Variants in KSR2 observed in about 807,000 individuals in gnomAD.
KSR2 encodes the protein kinase suppressor of ras 2.
Under a neutral mutation model 107.8 loss-of-function variants are expected in KSR2, and 25 were observed. The ratio of observed to expected loss-of-function variants is 0.23; its 90% confidence interval spans 0.17 to 0.32. The LOEUF (loss-of-function observed/expected upper bound fraction) is 0.32, where lower values mean the gene tolerates loss of function less well. KSR2 is among the 10% of genes least tolerant of loss of function. KSR2 has a pLI of 1.00. For missense variants in KSR2, 887 were observed against 1,268.9 expected, an observed-to-expected ratio of 0.70 and a Z score of 4.57; for synonymous variants, 480 against 507.0, an observed-to-expected ratio of 0.95 and a Z score of 0.71.
intron 3 of KSR2, among the ~76,000 whole-genome samples, chr12:117,777,120 CAT>C (rs1051393758): frequency 1.9e-5 from 2 of 104,784 alleles, no homozygotes; most frequent in East Asian, 2.6e-4. Context: ...ACACACACAC[CAT>C]ATATATATAC....
intron 3 of KSR2, among the ~76,000 whole-genome samples, chr12:117,822,275 TTAA>T (rs1477787006): frequency 6.6e-6 from 1 of 152,212 alleles, no homozygotes. Flanking sequence ...CTCTACTTTC[TTAA>T]TAAACTTCCT....
At chr12:117,927,457 C>T (rs1037950264) in intron 1 of KSR2, among the ~76,000 whole-genome samples, 5 of 151,536 alleles carry the variant, frequency 3.3e-5, no homozygotes, top group African/African-American at 7.3e-5. Flanking sequence ...TTTGGGAGGC[C>T]GAGGCAGGTG....
intron 5 of KSR2, among the ~76,000 whole-genome samples, chr12:117,660,437 G>T (rs1373789961): frequency 1.3e-5 from 2 of 152,136 alleles, no homozygotes; most frequent in Non-Finnish European, 2.9e-5. Context: ...TTGGCTTGTA[G>T]ACTCATCAGT....
At chr12:117,750,074 C>G (rs545219768) in intron 4 of KSR2, among the ~76,000 whole-genome samples, 4 of 151,810 alleles carry the variant, frequency 2.6e-5, no homozygotes, top group Admixed American at 2.0e-4. Flanking sequence ...ATGGTGAAAC[C>G]CCGTCTCTAC....
chr12:117,660,532 T>C (rs1884391959), intron 5 of KSR2, among the ~76,000 whole-genome samples: 1 of 152,176 alleles, frequency 6.6e-6, no homozygotes, highest in South Asian at 2.1e-4. Context: ...CCAGTCATAC[T>C]GGACTAGGGC....
intron 4 of KSR2, among the ~76,000 whole-genome samples, chr12:117,756,656 G>A (rs1888801955): frequency 6.6e-6 from 1 of 152,192 alleles, no homozygotes; most frequent in South Asian, 2.1e-4. Context: ...ATGGATTAAG[G>A]AGTAATTTTA....
chr12:117,659,041 T>A (rs1884309683), intron 5 of KSR2, among the ~76,000 whole-genome samples: 1 of 152,064 alleles, frequency 6.6e-6, no homozygotes, highest in African/African-American at 2.4e-5. Context: ...CAGATAGAAA[T>A]CAACTGATGT....
At chr12:117,502,485 G>C (rs1486408578) in intron 14 of KSR2, among the ~76,000 whole-genome samples, 1 of 152,120 alleles carries the variant, frequency 6.6e-6, no homozygotes, top group African/African-American at 2.4e-5. Flanking sequence ...GTTGCCTAGG[G>C]GTGGGGAAAG....
chr12:117,539,602 C>G (rs1049530151), intron 10 of KSR2, 117 bp downstream of exon 10: 17 of 974,910 alleles, frequency 1.7e-5, no homozygotes, highest in Non-Finnish European at 2.0e-5. Context: ...TGGTCATTGA[C>G]CCATTCGCTT....
In KSR2 at chr12:117,476,468, G is replaced by C; in HGVS notation, c.2578C>G (p.Leu860Val). 6.3e-7 allele frequency: 1 copy of C among 1,598,020 alleles called. No homozygotes were observed. Among genetic ancestry groups the C allele is most frequent in the South Asian group, 1.1e-5 (1 of 87,816 alleles). ...GCCAGGGCAGGGCCCACTTACCCAAGGGCAAAGACGTCAGAGTGCTTGGAG... is the reference window on the plus strand; with the variant it reads ...GCCAGGGCAGGGCCCACTTACCCAACGGCAAAGACGTCAGAGTGCTTGGAG... ...PFSKHSDVFA[L>V]GTIWYELHAR... Residue 860 changes from leucine (L) to valine (V), a missense_variant, in exon 17 of 20, where the codon CTT becomes GTT. Leu to Val is a conservative substitution (Grantham distance 32). This residue lies in a region of KSR2 where 308 missense variants were observed against 506.2 expected (regional missense o/e 0.61). Coordinates refer to ENST00000339824, the MANE Select transcript of KSR2 (RefSeq NM_173598.6).
chr12:117,957,452 G>A (rs1442367813), intron 1 of KSR2, among the ~76,000 whole-genome samples: 2 of 151,844 alleles, frequency 1.3e-5, no homozygotes, highest in East Asian at 3.9e-4. Flanking sequence ...CTCCTTCCTG[G>A]CCACCATGTG....
At chr12:117,896,458 A>AT (rs1159176481) in intron 1 of KSR2, among the ~76,000 whole-genome samples, 24,468 of 135,496 alleles carry the variant, frequency 0.18, 2,643 homozygotes, top group African/African-American at 0.3. Context: ...TTCGCACAAC[A>AT]TTTTTTTTTT....
rs182919480 is a variant in KSR2, at chr12:117,714,155, G to T, written c.987-46497C>A. 2.0e-5 allele frequency among the ~76,000 whole-genome samples: 3 copies of T among 152,110 alleles called. No individual in the cohort carries two copies. The East Asian group carries it at 5.8e-4, about 29-fold the overall frequency. On this transcript the variant is annotated intron_variant, in intron 4 of 19. Coordinates refer to ENST00000339824, the MANE Select transcript of KSR2 (RefSeq NM_173598.6). The stretch of plus-strand genomic sequence containing the variant: ...TGTCACTGTTCCAGGAGGATGAGCC[G>T]ATTTAAGGTTCAAATCTTACTGATC...
chr12:117,553,500 T>C (rs568229850), intron 9 of KSR2, among the ~76,000 whole-genome samples: 4 of 152,152 alleles, frequency 2.6e-5, no homozygotes, highest in Admixed American at 1.3e-4. Context: ...GGGGCAATCC[T>C]CTCTCTGTGT....
At chr12:117,919,831 C>G (rs1895287754) in intron 1 of KSR2, among the ~76,000 whole-genome samples, 1 of 152,162 alleles carries the variant, frequency 6.6e-6, no homozygotes, top group African/African-American at 2.4e-5. Context: ...CTCTGAGTAG[C>G]AGAGACCTGG....
At chr12:117,815,388 T>C (rs949749159) in intron 3 of KSR2, among the ~76,000 whole-genome samples, 1 of 151,952 alleles carries the variant, frequency 6.6e-6, no homozygotes, top group Non-Finnish European at 1.5e-5. Flanking sequence ...GTCTCCGTGA[T>C]ACATGTATAA....
intron 3 of KSR2, among the ~76,000 whole-genome samples, chr12:117,825,762 G>C (rs1316748479): frequency 7.2e-5 from 11 of 152,064 alleles, no homozygotes; most frequent in African/African-American, 2.4e-4. Flanking sequence ...AGAGTGCCTG[G>C]GATATAGAAG....
intron 4 of KSR2, among the ~76,000 whole-genome samples, chr12:117,678,639 T>C (rs961984673): frequency 1.3e-5 from 2 of 152,174 alleles, no homozygotes; most frequent in Non-Finnish European, 2.9e-5. Context: ...GGGAGGAATA[T>C]GGTTCCCCTA....
intron 3 of KSR2, among the ~76,000 whole-genome samples, chr12:117,780,087 G>A (rs73400801): frequency 8.2e-4 from 124 of 152,114 alleles, no homozygotes; most frequent in African/African-American, 2.9e-3. Flanking sequence ...ATTTTTACAT[G>A]GATTACAAGT....
Sources: allele counts gnomAD v4.1 joint callset (sites outside exome capture counted in the v4.1 genomes callset), GRCh38; gene constraint gnomAD v4.1.1; regional missense constraint gnomAD v4.1.1; transcripts MANE v1.5; gene names NCBI Gene and HGNC (gene_info 2026-07-23, HGNC 2026-07-21).